The following MINDY2 variants were observed in gnomAD, a reference collection of about 807,000 sequenced individuals.
The protein encoded by MINDY2 is MINDY lysine 48 deubiquitinase 2, also known as ubiquitin carboxyl-terminal hydrolase MINDY-2.
Under a neutral mutation model 68.2 loss-of-function variants are expected in MINDY2, and 52 were observed. The ratio of observed to expected loss-of-function variants is 0.76; its 90% CI spans 0.61 to 0.96. The LOEUF is 0.96. MINDY2 is among the 40% of genes least tolerant of loss of function. The pLI, the probability that MINDY2 is intolerant of heterozygous loss-of-function variation, is 0.00. For synonymous variants in MINDY2, 372 were observed against 303.0 expected, an observed-to-expected ratio of 1.23 and a Z score of -2.36; for missense variants, 881 against 773.4, an observed-to-expected ratio of 1.14 and a Z score of -1.65.
chr15:58,792,178 G>A (rs1264358937), intron 2 of MINDY2, among the ~76,000 whole-genome samples: 58 of 152,142 alleles, frequency 3.8e-4, no homozygotes, highest in Admixed American at 3.8e-3. Flanking sequence ...CAGTAGAAAT[G>A]TAAAATAATA....
chr15:58,794,364 T>G (rs1005833463), intron 2 of MINDY2, among the ~76,000 whole-genome samples: 102 of 126,850 alleles, frequency 8.0e-4, no homozygotes, highest in African/African-American at 4.4e-3. Context: ...TTGGGGTGTG[T>G]GTGTGTGTGT....
intron 6 of MINDY2, among the ~76,000 whole-genome samples, chr15:58,841,407 C>CT (rs143550992): frequency 0.071 from 9,764 of 136,696 alleles, 376 homozygotes; most frequent in Non-Finnish European, 0.084. Flanking sequence ...CCTTTCTTTT[C>CT]TTTTTTTTTT....
chr15:58,822,213 C>T (rs776654683), intron 5 of MINDY2, among the ~76,000 whole-genome samples: 58 of 151,414 alleles, frequency 3.8e-4, no homozygotes, highest in Admixed American at 5.9e-4. Flanking sequence ...GAGATTGCGC[C>T]GCTGTACTCC....
rs55983371 is a variant in MINDY2 at position 58,856,099 on chromosome 15, A to G, written c.*1489A>G. On this transcript the variant is annotated 3_prime_UTR_variant, in exon 9 of 9. Transcript: ENST00000559228. ...CTGTGTTTCTATATATAGTTTGGAAAACTATCCTTAATAGTCTGTTTTATA... is the reference window on the plus strand; with the variant it reads ...CTGTGTTTCTATATATAGTTTGGAAGACTATCCTTAATAGTCTGTTTTATA... 1 of 152,652 alleles carries G rather than the reference A, an allele frequency of 6.6e-6. No individual in the cohort carries two copies. 9.5% of individuals were successfully genotyped at this position (152,652 alleles called of 1,614,324 possible).
At chr15:58,790,860 G>A (rs1302493116) in intron 2 of MINDY2, among the ~76,000 whole-genome samples, 2 of 151,948 alleles carry the variant, frequency 1.3e-5, no homozygotes, top group African/African-American at 4.8e-5. Flanking sequence ...CAGGATTTTT[G>A]TTTTTAGATG....
intron 4 of MINDY2, among the ~76,000 whole-genome samples, chr15:58,815,920 C>T (rs767250771): frequency 3.9e-5 from 6 of 152,054 alleles, no homozygotes; most frequent in South Asian, 2.1e-4. Context: ...CCTCGTGATC[C>T]GTCTGCCTCG....
chr15:58,785,482 T>A (rs1490259851), intron 1 of MINDY2, among the ~76,000 whole-genome samples: 2 of 152,172 alleles, frequency 1.3e-5, no homozygotes, highest in African/African-American at 4.8e-5. Flanking sequence ...CATCTCTGCA[T>A]TGTAGTGCAA....
intron 6 of MINDY2, among the ~76,000 whole-genome samples, chr15:58,834,098 C>T (rs1284179536): frequency 2.6e-5 from 4 of 152,106 alleles, no homozygotes; most frequent in Non-Finnish European, 2.9e-5. Flanking sequence ...CAAAGCACAC[C>T]CTGCACAGCC....
chr15:58,843,747 T>G (rs181445585), intron 6 of MINDY2, among the ~76,000 whole-genome samples: 77 of 141,598 alleles, frequency 5.4e-4, no homozygotes, highest in Middle Eastern at 3.9e-3. Flanking sequence ...GGCAGGAGAA[T>G]GGCGTGAACC....
At chr15:58,773,270 G>C (rs1454848461) in intron 1 of MINDY2, among the ~76,000 whole-genome samples, 1 of 152,166 alleles carries the variant, frequency 6.6e-6, no homozygotes, top group Non-Finnish European at 1.5e-5. Context: ...GGGCAATACA[G>C]TGAGACCCTA....
intron 4 of MINDY2, among the ~76,000 whole-genome samples, chr15:58,821,224 T>C (rs2031040512): frequency 6.6e-6 from 1 of 151,780 alleles, no homozygotes; most frequent in Non-Finnish European, 1.5e-5. Context: ...ATCTCCACTA[T>C]ACTTTTCTAG....
chr15:58,812,081 C>G (rs1277354851), intron 4 of MINDY2, among the ~76,000 whole-genome samples: 1 of 151,990 alleles, frequency 6.6e-6, no homozygotes, highest in Non-Finnish European at 1.5e-5. Flanking sequence ...GAGAATTTAC[C>G]TTTTTTATAA....
intron 3 of MINDY2, among the ~76,000 whole-genome samples, chr15:58,807,295 CTA>C (rs1903084439): frequency 6.7e-6 from 1 of 149,928 alleles, no homozygotes; most frequent in African/African-American, 2.5e-5. Context: ...AATGTATTCT[CTA>C]TACATATGTC....
intron 6 of MINDY2, among the ~76,000 whole-genome samples, chr15:58,842,225 C>T (rs1393746728): frequency 1.3e-5 from 2 of 152,064 alleles, no homozygotes; most frequent in African/African-American, 4.8e-5. Context: ...GAAGTATATT[C>T]AGTCCCAACG....
At chr15:58,852,640 G>A (rs913678460) in intron 8 of MINDY2, among the ~76,000 whole-genome samples, 14 of 152,086 alleles carry the variant, frequency 9.2e-5, no homozygotes, top group African/African-American at 3.1e-4. Context: ...GCAACCTCTT[G>A]GATGACGTCC....
chr15:58,784,701 C>T (rs2140910999), intron 1 of MINDY2, among the ~76,000 whole-genome samples: 1 of 149,286 alleles, frequency 6.7e-6, no homozygotes, highest in Non-Finnish European at 1.5e-5. Flanking sequence ...CTCACTTCAG[C>T]TTCAAATTCC....
At chr15:58,826,015 A>G (rs2031371291) in intron 5 of MINDY2, among the ~76,000 whole-genome samples, 1 of 152,186 alleles carries the variant, frequency 6.6e-6, no homozygotes, top group African/African-American at 2.4e-5. Context: ...ATTATGTGCC[A>G]TAGACACTGA....
At chr15:58,772,365 AT>A in intron 1 of MINDY2, 130 bp downstream of exon 1, 1 of 1,362,634 alleles carries the variant, frequency 7.3e-7, no homozygotes, top group Non-Finnish European at 1.0e-6. Flanking sequence ...CATGAAATTC[AT>A]TCCAAGACTT....
At chr15:58,785,135 C>CAAAAAAAA (rs397719705) in intron 1 of MINDY2, among the ~76,000 whole-genome samples, 162 of 68,352 alleles carry the variant, frequency 2.4e-3, no homozygotes, top group East Asian at 7.3e-3. Context: ...TGAAGGAAAG[C>CAAAAAAAA]AAAAAAAAAA....
Sources: allele counts gnomAD v4.1 joint callset (sites outside exome capture counted in the v4.1 genomes callset), GRCh38; gene constraint gnomAD v4.1.1; transcripts MANE v1.5; gene names NCBI Gene and HGNC (gene_info 2026-07-23, HGNC 2026-07-21).